The following ZSWIM5 variants were observed in gnomAD, a reference collection of about 807,000 sequenced individuals.
The protein encoded by ZSWIM5 is zinc finger SWIM-type containing 5.
A neutral mutation model predicts 119.6 loss-of-function variants in ZSWIM5; 55 were observed. That is an observed-to-expected ratio of 0.46 (90% CI 0.37 to 0.58). ZSWIM5 has a LOEUF of 0.58. Among genes scored for constraint, ZSWIM5 ranks in the 20% least tolerant of loss-of-function variants. The pLI, the probability that ZSWIM5 is intolerant of heterozygous loss-of-function variation, is 0.00. For synonymous variants in ZSWIM5, 537 were observed against 606.9 expected (o/e 0.88, Z 1.69); for missense variants, 1,193 against 1,512.8 (o/e 0.79, Z 3.51).
intron 1 of ZSWIM5, among the ~76,000 whole-genome samples, chr1:45,151,646 A>G (rs1570154508): frequency 1.3e-5 from 2 of 152,140 alleles, no homozygotes; most frequent in African/African-American, 4.8e-5. Flanking sequence ...GCCCGACAAA[A>G]TACACTGAAG....
At chr1:45,157,630 C>T (rs1570161169) in intron 1 of ZSWIM5, among the ~76,000 whole-genome samples, 1 of 151,712 alleles carries the variant, frequency 6.6e-6, no homozygotes, top group African/African-American at 2.4e-5. Context: ...ACTATTATGA[C>T]CAAAACTGCT....
chr1:45,122,190 G>C (rs77782496), intron 1 of ZSWIM5, among the ~76,000 whole-genome samples: 2,906 of 152,308 alleles, frequency 0.019, 117 homozygotes, highest in East Asian at 0.13. Context: ...TCTGGAATCA[G>C]ACCTGGGTTC....
chr1:45,068,792 C>CTTT (rs758235271), intron 2 of ZSWIM5, among the ~76,000 whole-genome samples: 6 of 46,756 alleles, frequency 1.3e-4, no homozygotes, highest in African/African-American at 1.7e-4. Context: ...TGTTGTATGT[C>CTTT]TTTTTTTTTT....
intron 8 of ZSWIM5, among the ~76,000 whole-genome samples, chr1:45,036,920 T>A (rs1386220048): frequency 6.6e-6 from 1 of 152,112 alleles, no homozygotes; most frequent in Non-Finnish European, 1.5e-5. Flanking sequence ...CACTTCAGCT[T>A]CCTGAGTAGC....
chr1:45,164,924 A>C (rs1645891088), intron 1 of ZSWIM5, among the ~76,000 whole-genome samples: 1 of 152,108 alleles, frequency 6.6e-6, no homozygotes, highest in South Asian at 2.1e-4. Context: ...GAAAGTTAAC[A>C]AGGTTACCCA....
chr1:45,127,932 T>C (rs949861420), intron 1 of ZSWIM5, among the ~76,000 whole-genome samples: 2 of 152,058 alleles, frequency 1.3e-5, no homozygotes, highest in African/African-American at 4.8e-5. Flanking sequence ...ACAAAACATA[T>C]ACAGAACTTT....
intron 1 of ZSWIM5, among the ~76,000 whole-genome samples, chr1:45,129,389 C>T (rs759957305): frequency 9.2e-5 from 14 of 151,858 alleles, no homozygotes; most frequent in Non-Finnish European, 1.9e-4. Flanking sequence ...GATATCCTGA[C>T]CTCGTGATCC....
chr1:45,119,602 T>C (rs992486269), intron 1 of ZSWIM5, among the ~76,000 whole-genome samples: 3 of 152,244 alleles, frequency 2.0e-5, no homozygotes, highest in Non-Finnish European at 2.9e-5. Flanking sequence ...CTTGTCAATG[T>C]ATGCTGTTAC....
chr1:45,137,822 C>G (rs572661228), intron 1 of ZSWIM5, among the ~76,000 whole-genome samples: 1 of 152,268 alleles, frequency 6.6e-6, no homozygotes, highest in Non-Finnish European at 1.5e-5. Flanking sequence ...GGCTTTCACT[C>G]TAAGTGAAAT....
At chr1:45,097,669 TA>T (rs1645411390) in intron 1 of ZSWIM5, among the ~76,000 whole-genome samples, 2 of 152,104 alleles carry the variant, frequency 1.3e-5, no homozygotes, top group Non-Finnish European at 2.9e-5. Flanking sequence ...CTAGGAAAAA[TA>T]AATTTATAGC....
At chr1:45,130,117 C>T (rs1021238930) in intron 1 of ZSWIM5, among the ~76,000 whole-genome samples, 1 of 152,140 alleles carries the variant, frequency 6.6e-6, no homozygotes, top group African/African-American at 2.4e-5. Flanking sequence ...AGGCTGGTCT[C>T]GAACTCCTGA....
Position 45,204,297 on chromosome 1 carries a change from T to A in ZSWIM5, c.595+1459A>T, listed in dbSNP as rs866683605. Among the ~76,000 whole-genome samples, 6 of 152,240 alleles carry A rather than the reference T, an allele frequency of 3.9e-5. No individual in the cohort carries two copies. The Middle Eastern group carries it at 0.014, about 345-fold the overall frequency. On this transcript the variant is annotated intron_variant, in intron 1 of 13. Coordinates refer to ENST00000359600, the MANE Select transcript of ZSWIM5 (RefSeq NM_020883.2). The stretch of plus-strand genomic sequence containing the variant: ...TGATCGAAACTCAGAAAAATTAAAA[T>A]TTACAGACTAATAGGAAAATGATTG...
chr1:45,161,974 T>G (rs1321495334), intron 1 of ZSWIM5, among the ~76,000 whole-genome samples: 22 of 152,196 alleles, frequency 1.4e-4, no homozygotes, highest in Admixed American at 1.4e-3. Context: ...TAATGCCACT[T>G]TTTAGGTTAG....
chr1:45,137,182 G>A (rs984559125), intron 1 of ZSWIM5, among the ~76,000 whole-genome samples: 13 of 152,098 alleles, frequency 8.5e-5, no homozygotes, highest in Non-Finnish European at 1.5e-4. Flanking sequence ...TCCTGCCTCA[G>A]CCTCCCAAGT....
At position 45,115,266 on chromosome 1, in the gene ZSWIM5, G is replaced by A. The variant is rs539178369; in HGVS notation, c.596-27029C>T. The stretch of plus-strand genomic sequence containing the variant: ...CTCCCGGGCGAGGTGGCTGCCGGGC[G>A]GGGGCGGGGGCTGCCCCCCACCTCC... On this transcript the variant is annotated intron_variant, in intron 1 of 13. Transcript: ENST00000359600. 9.9e-4 allele frequency among the ~76,000 whole-genome samples: 149 copies of A among 151,214 alleles called. 1 individual carries two copies. Among genetic ancestry groups the A allele is most frequent in the African/African-American group, 3.2e-3 (133 of 41,130 alleles).
intron 1 of ZSWIM5, among the ~76,000 whole-genome samples, chr1:45,130,129 C>T (rs567915691): frequency 6.6e-6 from 1 of 152,290 alleles, no homozygotes; most frequent in South Asian, 2.1e-4. Flanking sequence ...AACTCCTGAC[C>T]TCAAGTGATC....
At chr1:45,125,734 G>T (rs1645617245) in intron 1 of ZSWIM5, among the ~76,000 whole-genome samples, 1 of 144,604 alleles carries the variant, frequency 6.9e-6, no homozygotes, top group African/African-American at 2.6e-5. Context: ...TTGCACTCCA[G>T]CCTGGCTAAC....
chr1:45,036,578 C>T (rs572509721), intron 8 of ZSWIM5, among the ~76,000 whole-genome samples: 1 of 152,094 alleles, frequency 6.6e-6, no homozygotes, highest in East Asian at 1.9e-4. Flanking sequence ...TGGACTCAAA[C>T]TCCTGACCTC....
intron 1 of ZSWIM5, among the ~76,000 whole-genome samples, chr1:45,148,193 G>A (rs1645774556): frequency 1.3e-5 from 2 of 151,982 alleles, no homozygotes; most frequent in Admixed American, 6.6e-5. Context: ...TGGATAAAAA[G>A]AGAAAAAATA....
Sources: gnomAD v4.1 joint callset for allele counts (sites outside exome capture counted in the v4.1 genomes callset) on GRCh38, gnomAD v4.1.1 for gene constraint, MANE v1.5 for transcripts, NCBI Gene and HGNC (gene_info 2026-07-23, HGNC 2026-07-21) for gene names.